The following ABHD12 variants were observed in gnomAD, a reference collection of about 807,000 sequenced individuals.
The protein encoded by ABHD12 is abhydrolase domain containing 12, lysophospholipase.
In ABHD12, 43 loss-of-function variants were observed where a neutral mutation model predicts 58.3. The ratio of observed to expected loss-of-function variants is 0.74; its 90% CI spans 0.58 to 0.95. The LOEUF (loss-of-function observed/expected upper bound fraction) is 0.95. Ranked by LOEUF, ABHD12 falls within the 40% of genes least tolerant of loss-of-function variation. The pLI, the probability that ABHD12 is intolerant of heterozygous loss-of-function variation, is 0.00. For synonymous variants in ABHD12, 219 were observed against 211.2 expected (o/e 1.04, Z -0.32); for missense variants, 539 against 537.2 (o/e 1.00, Z -0.03).
intron 6 of ABHD12, among the ~76,000 whole-genome samples, chr20:25,311,470 G>T (rs1600775446): frequency 6.6e-6 from 1 of 152,218 alleles, no homozygotes; most frequent in Non-Finnish European, 1.5e-5. Context: ...CTCCAGAACT[G>T]CAAGACGCTA....
chr20:25,344,269 A>G (rs2089490969), intron 1 of ABHD12, among the ~76,000 whole-genome samples: 1 of 152,228 alleles, frequency 6.6e-6, no homozygotes, highest in Non-Finnish European at 1.5e-5. Flanking sequence ...AGGAAAAATA[A>G]AACTTTGCAG....
At chr20:25,368,490 C>T (rs919497229) in intron 1 of ABHD12, 15 of 1,540,830 alleles carry the variant, frequency 9.7e-6, no homozygotes, top group South Asian at 3.3e-5. Flanking sequence ...ATGCTAGGAC[C>T]TGTATGCTTT....
intron 12 of ABHD12, 118 bp downstream of exon 12, chr20:25,302,101 G>GT (rs2088646105): frequency 6.9e-7 from 1 of 1,448,602 alleles, no homozygotes; most frequent in African/African-American, 1.4e-5. Context: ...CCAAATCACT[G>GT]TGACTCTTGG....
At chr20:25,361,091 C>G (rs1265245995) in intron 1 of ABHD12, among the ~76,000 whole-genome samples, 1 of 152,232 alleles carries the variant, frequency 6.6e-6, no homozygotes, top group African/African-American at 2.4e-5. Flanking sequence ...ACAGGGCCCA[C>G]CGCCCCTGCA....
At position 25,323,402 on chromosome 20, in the gene ABHD12, T is replaced by C. The variant is rs1297747467; in HGVS notation, c.345A>G (p.Lys115=). The C allele has an allele frequency of 6.2e-7, 1 of 1,613,544 alleles. No homozygotes were observed. The highest frequency in any genetic ancestry group is 1.7e-5 in the Admixed American group (1 of 60,032). ...FVRVPYFIDL[K]KPQDQGLNHT... is the part of the protein sequence containing the mutation. The stretch of plus-strand genomic sequence containing the variant: ...GATTCAAACCTTGATCCTGTGGTTT[T>C]TTCAAATCAATGAAATAGGGAACTC... Residue 115 remains lysine (K), a synonymous_variant, in exon 3 of 13, where the codon AAA becomes AAG. Coordinates refer to ENST00000339157, the MANE Select transcript of ABHD12 (RefSeq NM_001042472.3).
intron 2 of ABHD12, among the ~76,000 whole-genome samples, chr20:25,336,987 T>A (rs1436663258): frequency 2.0e-5 from 3 of 152,098 alleles, no homozygotes; most frequent in Non-Finnish European, 4.4e-5. Context: ...CAGGGCTGGG[T>A]GCAATGGCTC....
intron 3 of ABHD12, among the ~76,000 whole-genome samples, chr20:25,321,394 G>A (rs965441194): frequency 6.6e-5 from 10 of 152,254 alleles, no homozygotes; most frequent in Non-Finnish European, 1.0e-4. Context: ...TCTAGGCCTT[G>A]AGGCCCTCCT....
chr20:25,363,781 C>T (rs914846181), intron 1 of ABHD12, among the ~76,000 whole-genome samples: 5 of 152,008 alleles, frequency 3.3e-5, no homozygotes, highest in Non-Finnish European at 7.4e-5. Context: ...AGCAGAATCG[C>T]TTGAACCCAG....
intron 1 of ABHD12, among the ~76,000 whole-genome samples, chr20:25,348,459 A>C (rs1271914471): frequency 6.6e-6 from 1 of 151,258 alleles, no homozygotes; most frequent in East Asian, 1.9e-4. Flanking sequence ...AAAAAAAAAA[A>C]AAAAAAAACA....
rs115324809 is a variant in ABHD12, at chr20:25,382,222, A to G, written c.191+8291T>C. On this transcript the variant is annotated intron_variant, in intron 1 of 12. Coordinates refer to ENST00000339157, the MANE Select transcript of ABHD12 (RefSeq NM_001042472.3). ...CCTCTGAAGCAGTAAATCACAATAC[A>G]AAGGGGCTGAGGCCTAAATGAGAAG... 3.0e-3 allele frequency among the ~76,000 whole-genome samples: 452 copies of G among 152,268 alleles called. 5 individuals are homozygous for G. The highest frequency in any genetic ancestry group is 9.4e-3 in the African/African-American group (391 of 41,566).
intron 10 of ABHD12, among the ~76,000 whole-genome samples, chr20:25,305,831 C>T (rs2088727337): frequency 6.6e-6 from 1 of 151,966 alleles, no homozygotes; most frequent in South Asian, 2.1e-4. Flanking sequence ...TTTCTATAAC[C>T]AAACACAAAT....
chr20:25,350,446 G>A lies in ABHD12; in HGVS notation c.192-11095C>T, dbSNP rs151139169. On this transcript the variant is annotated intron_variant, in intron 1 of 12. Transcript: ENST00000339157. ...CCCATACTGTTTCTCATGGTAGTAA[G>A]TCTCACAAGATCTGGTGGTTTTATA... Among the ~76,000 whole-genome samples, 519 of 152,250 alleles carry A rather than the reference G, an allele frequency of 3.4e-3. 3 individuals are homozygous for A. The highest frequency in any genetic ancestry group is 3.7e-3 in the Non-Finnish European group (253 of 68,016).
intron 1 of ABHD12, among the ~76,000 whole-genome samples, chr20:25,373,786 G>A (rs1382035594): frequency 6.6e-6 from 1 of 151,718 alleles, no homozygotes; most frequent in Non-Finnish European, 1.5e-5. Flanking sequence ...CTTAGCAGTG[G>A]GTTTACAGTT....
intron 6 of ABHD12, among the ~76,000 whole-genome samples, chr20:25,313,243 A>C (rs2088895906): frequency 6.6e-6 from 1 of 152,290 alleles, no homozygotes; most frequent in Non-Finnish European, 1.5e-5. Context: ...TACTAAGAAA[A>C]ATTCTTCTGC....
intron 1 of ABHD12, among the ~76,000 whole-genome samples, chr20:25,383,652 C>A (rs1440298820): frequency 6.6e-6 from 1 of 152,072 alleles, no homozygotes; most frequent in Non-Finnish European, 1.5e-5. Flanking sequence ...AACCCCGTCT[C>A]TACTAAAAAT....
chr20:25,302,441 C>T, intron 11 of ABHD12, 95 bp from the exon 12 acceptor site: 1 of 1,529,302 alleles, frequency 6.5e-7, no homozygotes, highest in Non-Finnish European at 9.0e-7. Flanking sequence ...TCAATAGAAA[C>T]CAGTCCAGAG....
At chr20:25,340,363 C>T (rs2089439508) in intron 1 of ABHD12, among the ~76,000 whole-genome samples, 1 of 152,168 alleles carries the variant, frequency 6.6e-6, no homozygotes, top group Non-Finnish European at 1.5e-5. Context: ...TTTCTTTAAG[C>T]CAGAGAGTTT....
At chr20:25,319,173 AATGCTTTG>A (rs1302829005) in intron 4 of ABHD12, among the ~76,000 whole-genome samples, 2 of 152,192 alleles carry the variant, frequency 1.3e-5, no homozygotes, top group African/African-American at 4.8e-5. Context: ...GTTTTCAAAC[AATGCTTTG>A]TTCAGAAAAT....
chr20:25,367,135 C>T (rs1001076179), intron 1 of ABHD12, among the ~76,000 whole-genome samples: 3 of 152,144 alleles, frequency 2.0e-5, no homozygotes, highest in African/African-American at 7.2e-5. Flanking sequence ...TCCTTTATAT[C>T]TTACAACCAA....
Sources: gnomAD v4.1 joint callset for allele counts (sites outside exome capture counted in the v4.1 genomes callset) on GRCh38, gnomAD v4.1.1 for gene constraint, MANE v1.5 for transcripts, NCBI Gene and HGNC (gene_info 2026-07-23, HGNC 2026-07-21) for gene names.